Variants in CDH13 observed in about 807,000 individuals in gnomAD.
CDH13 encodes cadherin-13.
Under a neutral mutation model 63.8 loss-of-function variants are expected in CDH13, and 24 were observed. The observed-to-expected ratio is 0.38, with a 90% CI of 0.27 to 0.53. The LOEUF is 0.53. CDH13 is among the 20% of genes least tolerant of loss of function. The pLI is 0.85. For synonymous variants in CDH13, 503 were observed against 355.3 expected (o/e 1.42, Z -4.67); for missense variants, 1,049 against 903.1 (o/e 1.16, Z -2.07).
At chr16:82,959,632 T>C (rs189848058) in intron 2 of CDH13, among the ~76,000 whole-genome samples, 2 of 152,344 alleles carry the variant, frequency 1.3e-5, no homozygotes, top group Non-Finnish European at 2.9e-5. Context: ...TGTGATTGCA[T>C]TGGGTTCACC....
intron 1 of CDH13, among the ~76,000 whole-genome samples, chr16:82,765,380 T>C (rs774229280): frequency 5.3e-5 from 8 of 152,176 alleles, no homozygotes; most frequent in African/African-American, 7.2e-5. Flanking sequence ...TCAACAAGTT[T>C]CCATTCAGTG....
At chr16:82,817,585 C>T (rs1232354651) in intron 1 of CDH13, among the ~76,000 whole-genome samples, 1 of 152,084 alleles carries the variant, frequency 6.6e-6, no homozygotes, top group Non-Finnish European at 1.5e-5. Context: ...GGGTGGATCA[C>T]CTGAGGTCAG....
chr16:82,932,481 C>G (rs2042531298), intron 2 of CDH13, among the ~76,000 whole-genome samples: 2 of 152,248 alleles, frequency 1.3e-5, no homozygotes, highest in African/African-American at 2.4e-5. Flanking sequence ...ACAAACTTTT[C>G]CATTAAAATA....
intron 6 of CDH13, among the ~76,000 whole-genome samples, chr16:83,375,983 C>T (rs1156833940): frequency 1.3e-5 from 2 of 152,136 alleles, no homozygotes; most frequent in African/African-American, 2.4e-5. Context: ...AAAAAAATTG[C>T]ATCAGCTCAT....
chr16:83,204,139 A>C (rs533922958), intron 4 of CDH13, among the ~76,000 whole-genome samples: 2 of 152,306 alleles, frequency 1.3e-5, no homozygotes, highest in East Asian at 3.9e-4. Flanking sequence ...GAGCTCTTCC[A>C]TCAGTGTCGG....
chr16:83,714,169 A>G (rs1908529731), intron 10 of CDH13, among the ~76,000 whole-genome samples: 1 of 152,256 alleles, frequency 6.6e-6, no homozygotes, highest in South Asian at 2.1e-4. Context: ...CAACAATCCC[A>G]TCCACTGCAA....
intron 5 of CDH13, among the ~76,000 whole-genome samples, chr16:83,233,394 A>G (rs979863095): frequency 2.0e-5 from 3 of 152,216 alleles, no homozygotes; most frequent in Admixed American, 1.3e-4. Flanking sequence ...TGCTGACTCA[A>G]CGAGTAGGTG....
At chr16:83,410,964 G>A (rs11645746) in intron 6 of CDH13, among the ~76,000 whole-genome samples, 4 of 152,052 alleles carry the variant, frequency 2.6e-5, no homozygotes, top group African/African-American at 7.2e-5. Context: ...AGTCTTTGCC[G>A]AAATACACAG....
At chr16:83,041,835 A>G (rs1427645453) in intron 3 of CDH13, among the ~76,000 whole-genome samples, 1 of 152,210 alleles carries the variant, frequency 6.6e-6, no homozygotes, top group Non-Finnish European at 1.5e-5. Context: ...TGTGGATGCC[A>G]TCATGAGACA....
At chr16:83,026,449 A>T (rs1027804224) in intron 2 of CDH13, among the ~76,000 whole-genome samples, 1 of 152,150 alleles carries the variant, frequency 6.6e-6, no homozygotes, top group Non-Finnish European at 1.5e-5. Context: ...GTGCATTCTC[A>T]TTGGGGCTAT....
intron 7 of CDH13, among the ~76,000 whole-genome samples, chr16:83,546,215 A>C (rs974066586): frequency 6.6e-6 from 1 of 150,764 alleles, no homozygotes; most frequent in East Asian, 2.0e-4. Flanking sequence ...ACGTCTTGGT[A>C]GATACCTCAC....
At chr16:83,779,244 A>C (rs1915335260) in intron 11 of CDH13, among the ~76,000 whole-genome samples, 1 of 151,740 alleles carries the variant, frequency 6.6e-6, no homozygotes, top group African/African-American at 2.4e-5. Flanking sequence ...ATCTGTACTA[A>C]AACTACAAAA....
At chr16:83,122,596 T>G (rs907438827) in intron 3 of CDH13, among the ~76,000 whole-genome samples, 1 of 152,222 alleles carries the variant, frequency 6.6e-6, no homozygotes, top group African/African-American at 2.4e-5. Flanking sequence ...TGACATAGTT[T>G]GGGACTTTGT....
chr16:83,176,373 G>C (rs2038123299), intron 4 of CDH13, among the ~76,000 whole-genome samples: 1 of 151,838 alleles, frequency 6.6e-6, no homozygotes, highest in Non-Finnish European at 1.5e-5. Flanking sequence ...AGCCTGGCGT[G>C]GTGGCAGGTG....
chr16:83,516,876 C>G (rs1422479346), intron 7 of CDH13, among the ~76,000 whole-genome samples: 1 of 152,082 alleles, frequency 6.6e-6, no homozygotes, highest in Non-Finnish European at 1.5e-5. Context: ...AAGGAGTGCT[C>G]CCTGGAGGAA....
chr16:82,708,941 G>C (rs931014551), intron 1 of CDH13, among the ~76,000 whole-genome samples: 6 of 152,162 alleles, frequency 3.9e-5, no homozygotes, highest in African/African-American at 1.2e-4. Flanking sequence ...TTTGGCAACC[G>C]TGAATCTATT....
intron 1 of CDH13, among the ~76,000 whole-genome samples, chr16:82,640,006 A>G (rs975023726): frequency 6.6e-6 from 1 of 152,250 alleles, no homozygotes; most frequent in African/African-American, 2.4e-5. Flanking sequence ...AATTCTCAGC[A>G]TTGAGGGAGG....
At chr16:82,762,080 C>G (rs545793107) in intron 1 of CDH13, among the ~76,000 whole-genome samples, 2 of 152,106 alleles carry the variant, frequency 1.3e-5, no homozygotes, top group Non-Finnish European at 2.9e-5. Flanking sequence ...AAATCGGAAG[C>G]TAGAAAGGAA....
chr16:82,897,835 T>C (rs1297945339), intron 2 of CDH13, among the ~76,000 whole-genome samples: 1 of 152,268 alleles, frequency 6.6e-6, no homozygotes, highest in Admixed American at 6.5e-5. Flanking sequence ...ATCTTGATCA[T>C]TTCTTTATTC....
Sources: allele counts gnomAD v4.1 joint callset (sites outside exome capture counted in the v4.1 genomes callset), GRCh38; gene constraint gnomAD v4.1.1; transcripts MANE v1.5; gene names NCBI Gene and HGNC (gene_info 2026-07-23, HGNC 2026-07-21).